AMMECR1: variants seen among roughly 807,000 people sequenced by gnomAD.
The protein encoded by AMMECR1 is nuclear protein AMMECR1.
AMMECR1 carries 3 observed loss-of-function variants against 22.5 expected under a neutral mutation model. The observed-to-expected ratio is 0.13, with a 90% confidence interval of 0.06 to 0.35. The LOEUF (loss-of-function observed/expected upper bound fraction) is 0.35. Among genes scored for constraint, AMMECR1 ranks in the 10% least tolerant of loss-of-function variants. AMMECR1 has a pLI of 1.00. For synonymous variants in AMMECR1, 130 were observed against 116.7 expected (o/e 1.11, Z -0.74); for missense variants, 235 against 278.7 (o/e 0.84, Z 1.12).
intron 2 of AMMECR1, among the ~76,000 whole-genome samples, chrX:110,416,161 G>A (rs1038218460): frequency 9.0e-6 from 1 of 111,253 alleles, no homozygotes; most frequent in African/African-American, 3.3e-5. Flanking sequence ...GACTGTTATT[G>A]TTCTCATGGT....
chrX:110,366,544 G>A (rs1041552475), intron 2 of AMMECR1, among the ~76,000 whole-genome samples: 7 of 111,396 alleles, frequency 6.3e-5, no homozygotes, highest in Non-Finnish European at 9.4e-5. Context: ...GAACAATTAC[G>A]TGCTAAACTA....
intron 3 of AMMECR1, 87 bp downstream of exon 3, chrX:110,216,431 C>CT: frequency 1.6e-6 from 1 of 628,035 alleles, no homozygotes; most frequent in South Asian, 2.8e-5. Flanking sequence ...AGAGAATGGG[C>CT]TGAAAGAGTT....
chrX:110,330,235 C>A (rs1384471273), intron 2 of AMMECR1, among the ~76,000 whole-genome samples: 2 of 111,902 alleles, frequency 1.8e-5, no homozygotes, highest in Non-Finnish European at 3.8e-5. Context: ...CTTCCTACTT[C>A]ACGACAAAAA....
chrX:110,262,066 A>G (rs1469653079), intron 2 of AMMECR1, among the ~76,000 whole-genome samples: 6 of 111,958 alleles, frequency 5.4e-5, no homozygotes, highest in Admixed American at 9.4e-5. Flanking sequence ...AAAAATAATC[A>G]TAATAACATA....
chrX:110,402,432 G>A (rs1278404875), intron 2 of AMMECR1, among the ~76,000 whole-genome samples: 2 of 112,978 alleles, frequency 1.8e-5, no homozygotes, highest in Non-Finnish European at 3.7e-5. Context: ...AGCCTTTCCT[G>A]TCAGGGAGAG....
chrX:110,294,535 G>C (rs1369972444), intron 1 of AMMECR1, among the ~76,000 whole-genome samples: 1 of 111,801 alleles, frequency 8.9e-6, no homozygotes, highest in East Asian at 2.8e-4. Context: ...AAACATTGCA[G>C]TACTGGCTTG....
chrX:110,372,900 T>C (rs988682957), intron 2 of AMMECR1, among the ~76,000 whole-genome samples: 2 of 111,901 alleles, frequency 1.8e-5, no homozygotes, highest in Admixed American at 1.9e-4. Context: ...AGAATTGAGT[T>C]AGAATTGTGC....
At chrX:110,384,049 A>G (rs769054025) in intron 2 of AMMECR1, among the ~76,000 whole-genome samples, 1 of 112,028 alleles carries the variant, frequency 8.9e-6, no homozygotes, top group African/African-American at 3.2e-5. Flanking sequence ...ATACATCATC[A>G]TTTCTTCTAT....
At chrX:110,322,180 G>C (rs1019413028), upstream of AMMECR1, among the ~76,000 whole-genome samples, 8 of 111,861 alleles carry the variant, frequency 7.2e-5, no homozygotes, top group African/African-American at 2.3e-4. Context: ...ATTTCCTTTA[G>C]AGAAAGTTCT....
chrX:110,303,755 T>C (rs1010113232), intron 1 of AMMECR1, among the ~76,000 whole-genome samples: 124 of 112,716 alleles, frequency 1.1e-3, no homozygotes, highest in African/African-American at 4.0e-3. Context: ...AGACATAAAC[T>C]GACTACATAG....
At chrX:110,423,374 A>AAGAAGG (rs1367419021) in intron 2 of AMMECR1, among the ~76,000 whole-genome samples, 2 of 110,060 alleles carry the variant, frequency 1.8e-5, no homozygotes, top group Admixed American at 1.9e-4. Flanking sequence ...GGAGAAGGAG[A>AAGAAGG]AGAAGGAGAA....
At chrX:110,429,470 TTTTGTTTTGTTTTTTTG>T (rs1411789132) in intron 1 of AMMECR1, among the ~76,000 whole-genome samples, 1 of 79,428 alleles carries the variant, frequency 1.3e-5, no homozygotes, top group Admixed American at 1.1e-4. Context: ...TTTTTTTTTT[TTTTGTTTTGTTTTTTTG>T]GTTTTTTTGT....
At chrX:110,356,615 T>C (rs1449329363) in intron 2 of AMMECR1, among the ~76,000 whole-genome samples, 1 of 111,684 alleles carries the variant, frequency 9.0e-6, no homozygotes, top group Non-Finnish European at 1.9e-5. Context: ...ATTAGCTTGA[T>C]TGAATCTTTC....
At chrX:110,278,728 T>G (rs891105334) in intron 1 of AMMECR1, among the ~76,000 whole-genome samples, 1 of 111,987 alleles carries the variant, frequency 8.9e-6, no homozygotes, top group Non-Finnish European at 1.9e-5. Flanking sequence ...GCTGAACTGC[T>G]AGGTACATGA....
At chrX:110,221,740 T>C (rs1281257977) in intron 2 of AMMECR1, among the ~76,000 whole-genome samples, 1 of 109,900 alleles carries the variant, frequency 9.1e-6, no homozygotes, top group Non-Finnish European at 1.9e-5. Context: ...GAAGAGAAGA[T>C]AGGAGAGAAA....
chrX:110,389,982 A>G (rs16985977), intron 2 of AMMECR1, among the ~76,000 whole-genome samples: 5,434 of 111,771 alleles, frequency 0.049, 151 homozygotes, highest in African/African-American at 0.097. Context: ...ACCACAGAGT[A>G]TTGGAAGTGT....
chrX:110,311,195 G>T (rs905144582), intron 1 of AMMECR1, among the ~76,000 whole-genome samples: 1 of 111,504 alleles, frequency 9.0e-6, no homozygotes, highest in Admixed American at 9.5e-5. Context: ...AAGACTTCAA[G>T]ATCTACTGGT....
chrX:110,344,002 T>C (rs2068176814), intron 2 of AMMECR1, among the ~76,000 whole-genome samples: 1 of 111,679 alleles, frequency 9.0e-6, no homozygotes, highest in Non-Finnish European at 1.9e-5. Flanking sequence ...ACTTTAAAGT[T>C]CATATGGAAC....
chrX:110,430,867 G>T (rs1013815670), intron 1 of AMMECR1, among the ~76,000 whole-genome samples: 3 of 112,192 alleles, frequency 2.7e-5, no homozygotes, highest in African/African-American at 9.7e-5. Context: ...ACTGAAATTG[G>T]TGAGACATCT....
Sources: allele counts gnomAD v4.1 joint callset (sites outside exome capture counted in the v4.1 genomes callset), GRCh38; gene constraint gnomAD v4.1.1; transcripts MANE v1.5; gene names NCBI Gene and HGNC (gene_info 2026-07-23, HGNC 2026-07-21).